The following IGSF22 variants were observed in gnomAD, a reference collection of about 807,000 sequenced individuals.
IGSF22 encodes the protein immunoglobulin superfamily member 22.
IGSF22 carries 119 observed loss-of-function variants against 127.0 expected under a neutral mutation model. The ratio of observed to expected loss-of-function variants is 0.94; its 90% confidence interval spans 0.81 to 1.09. The LOEUF is 1.09. Among genes scored for constraint, IGSF22 ranks in the 50% least tolerant of loss-of-function variants. IGSF22 has a pLI of 0.00. For synonymous variants in IGSF22, 568 were observed against 664.7 expected (o/e 0.85, Z 2.24); for missense variants, 1,518 against 1,716.6 (o/e 0.88, Z 2.04).
intron 1 of IGSF22, among the ~76,000 whole-genome samples, chr11:18,725,359 C>T (rs915774414): frequency 2.6e-5 from 4 of 152,216 alleles, no homozygotes; most frequent in African/African-American, 9.7e-5. Context: ...AACTCCTAGC[C>T]TCGATTGATC....
At position 18,716,615 on chromosome 11, in the gene IGSF22, A is replaced by G; in HGVS notation, c.1246+113T>C. The G allele has an allele frequency of 9.0e-7, 1 of 1,109,848 alleles. No individual in the cohort carries two copies. The highest frequency in any genetic ancestry group is 1.3e-6 in the Non-Finnish European group (1 of 754,752). The allele number at this position is 1,109,848 out of a possible 1,614,324, so 68.8% of individuals were successfully genotyped here. ...CCCCTGTCTTTCCAGTACCTACCAC[A>G]GGGCTTTGCAAAAAGGAGATGGATG... is the stretch of plus-strand genomic sequence containing the variant. On this transcript the variant is annotated intron_variant, in intron 10 of 22. Coordinates refer to ENST00000513874, the MANE Select transcript of IGSF22 (RefSeq NM_173588.4). The surrounding 1 kb of genome is among the most constrained non-coding windows in gnomAD (Gnocchi z 4.5).
intron 1 of IGSF22, among the ~76,000 whole-genome samples, chr11:18,725,607 A>AT (rs576122278): frequency 3.7e-4 from 56 of 151,850 alleles, no homozygotes; most frequent in Non-Finnish European, 5.4e-4. Context: ...CACCCGGCTA[A>AT]TTTTTTGTAT....
chr11:18,715,392 AGGGGG>A (rs1444182743), intron 11 of IGSF22, 35 bp downstream of exon 11: 20 of 1,575,594 alleles, frequency 1.3e-5, no homozygotes, highest in Non-Finnish European at 1.7e-5. Flanking sequence ...TGCCAGGGTC[AGGGGG>A]ATTGGTCAGT....
rs1339878985 is a variant in IGSF22, at chr11:18,704,482, T to A, written c.3967A>T (p.Lys1323Ter). ...SITESLQKKS[K>*]HLM ...TTGGCTGGAGCTCACATGAGGTGCTTTGATTTCTTCTGCAGACTCTCGGTG... is the reference window on the plus strand; with the variant it reads ...TTGGCTGGAGCTCACATGAGGTGCTATGATTTCTTCTGCAGACTCTCGGTG... Residue 1323 changes from lysine (K) to a stop codon, truncating the protein, a stop_gained, in exon 23 of 23, where the codon AAG (lysine) becomes TAG (stop). Transcript: ENST00000513874. LOFTEE classifies it high-confidence loss of function. 5.8e-6 allele frequency: 9 copies of A among 1,550,644 alleles called. No individual in the cohort carries two copies. The highest frequency in any genetic ancestry group is 7.0e-6 in the Non-Finnish European group (8 of 1,146,326).
At chr11:18,722,652 A>G (rs1320508874) in intron 2 of IGSF22, among the ~76,000 whole-genome samples, 1 of 150,072 alleles carries the variant, frequency 6.7e-6, no homozygotes, top group Non-Finnish European at 1.5e-5. Context: ...GTATAAAACT[A>G]CAGACAATCT....
At chr11:18,719,671 C>G (rs780137342) in intron 7 of IGSF22, 45 bp downstream of exon 7, 1 of 1,589,638 alleles carries the variant, frequency 6.3e-7, no homozygotes, top group Admixed American at 1.7e-5. Flanking sequence ...TTGGGTGAAG[C>G]CCTGCCCCTA....
At chr11:18,712,500 G>T in intron 14 of IGSF22, 116 bp from the exon 15 acceptor site, 1 of 911,594 alleles carries the variant, frequency 1.1e-6, no homozygotes, top group East Asian at 2.7e-5. Flanking sequence ...GAGCTTTTTG[G>T]ATCCTTTGCC....
In IGSF22 at chr11:18,724,264, G is replaced by A; in HGVS notation, c.-28C>T. ...TGACAGCAGGCGTGGGCACTCACCT[G>A]TGAGACTGGGGAAGAGGATGAGGCC... On this transcript the variant is annotated 5_prime_UTR_variant, in exon 2 of 23. Coordinates refer to ENST00000513874, the MANE Select transcript of IGSF22 (RefSeq NM_173588.4). 1 of 1,531,492 alleles carries A rather than the reference G, an allele frequency of 6.5e-7. No individual in the cohort carries two copies. Among genetic ancestry groups the A allele is most frequent in the East Asian group, 2.3e-5 (1 of 44,386 alleles). The allele number at this position is 1,531,492 out of a possible 1,614,324, so 94.9% of individuals were successfully genotyped here. A position where few individuals can be genotyped will look rare whatever the true frequency, so the allele number is the denominator to read the frequency against.
intron 1 of IGSF22, among the ~76,000 whole-genome samples, chr11:18,725,832 A>G (rs2134171969): frequency 6.6e-6 from 1 of 152,332 alleles, no homozygotes; most frequent in Non-Finnish European, 1.5e-5. Context: ...CTAGACTCCT[A>G]GCTTTTGACT....
chr11:18,707,446 T>G, intron 20 of IGSF22: 1 of 533,084 alleles, frequency 1.9e-6, no homozygotes, highest in East Asian at 3.0e-5. Flanking sequence ...GAGCTGACAA[T>G]GACTATTTCG....
chr11:18,713,701 C>G, intron 14 of IGSF22, 151 bp downstream of exon 14: 1 of 649,118 alleles, frequency 1.5e-6, no homozygotes. Flanking sequence ...AGTTAGGAAG[C>G]GGGCTTCTGG....
At chr11:18,708,021 A>G (rs1848278449) in intron 19 of IGSF22, 25 bp from the exon 20 acceptor site, 2 of 1,612,496 alleles carry the variant, frequency 1.2e-6, no homozygotes, top group African/African-American at 2.7e-5. Context: ...GAGATGGCAC[A>G]ACTGGTCACA....
At chr11:18,720,388 G>A in intron 4 of IGSF22, 103 bp from the exon 5 acceptor site, 1 of 756,660 alleles carries the variant, frequency 1.3e-6, no homozygotes, top group Non-Finnish European at 2.2e-6. Context: ...GGGACAATAG[G>A]AACTGACTGT....
intron 15 of IGSF22, among the ~76,000 whole-genome samples, chr11:18,711,595 A>G (rs1848357894): frequency 1.3e-5 from 2 of 152,046 alleles, no homozygotes; most frequent in Non-Finnish European, 2.9e-5. Flanking sequence ...ATAGGGTTTC[A>G]CCATGTTGGC....
intron 8 of IGSF22, among the ~76,000 whole-genome samples, chr11:18,718,300 T>C (rs1848499947): frequency 6.6e-6 from 1 of 152,142 alleles, no homozygotes; most frequent in South Asian, 2.1e-4. Flanking sequence ...AGGCCCGAGC[T>C]CTTAATATGC....
chr11:18,707,011 T>C lies in IGSF22; in HGVS notation c.3483A>G (p.Pro1161=), dbSNP rs1284894857. 1.3e-6 allele frequency: 2 copies of C among 1,551,500 alleles called. No individual in the cohort carries two copies. The highest frequency in any genetic ancestry group is 2.4e-5 in the East Asian group (1 of 40,914). Reference sequence around the variant, plus strand: ...CCACTCTGAAGTAGTACTTCCTGCCTGGGAGCAGCCCCGTCACTGTGTACT... The same window carrying C: ...CCACTCTGAAGTAGTACTTCCTGCCCGGGAGCAGCCCCGTCACTGTGTACT... The part of the protein sequence containing the change: ...SNKYTVTGLL[P]GRKYYFRVVA... The change falls in exon 21 of 23, where the codon CCA becomes CCG. Residue 1161 remains proline, a synonymous_variant. Coordinates refer to ENST00000513874, the MANE Select transcript of IGSF22 (RefSeq NM_173588.4).
intron 10 of IGSF22, among the ~76,000 whole-genome samples, chr11:18,715,990 C>A (rs1482704877): frequency 3.9e-5 from 6 of 152,176 alleles, no homozygotes; most frequent in Non-Finnish European, 8.8e-5. Flanking sequence ...TTTTACAGTG[C>A]TCAATATCTC....
chr11:18,716,593 C>T lies in IGSF22; in HGVS notation c.1246+135G>A, dbSNP rs1848467122. The T allele has an allele frequency of 1.2e-6, 1 of 847,146 alleles. No homozygotes were observed. Among genetic ancestry groups the T allele is most frequent in the African/African-American group, 1.7e-5 (1 of 59,196 alleles). The allele number at this position is 847,146 out of a possible 1,614,324, so 52.5% of individuals were successfully genotyped here. ...AGGGGTTAACAGAGAGGAGATCCCC[C>T]TGTCTTTCCAGTACCTACCACAGGG... is the stretch of plus-strand genomic sequence containing the variant. On this transcript the variant is annotated intron_variant, in intron 10 of 22. Coordinates refer to ENST00000513874, the MANE Select transcript of IGSF22 (RefSeq NM_173588.4). This position sits in a 1 kb window ranked among gnomAD's most constrained non-coding sequence, Gnocchi z 4.5.
At position 18,724,165 on chromosome 11, in the gene IGSF22, G is replaced by C; in HGVS notation, c.72C>G (p.His24Gln). The change falls in exon 2 of 23, where the codon CAC becomes CAG. Residue 24 changes from histidine to glutamine, a missense_variant. Physicochemically the swap from His to Gln is conservative, Grantham distance 24 (BLOSUM62 0). This residue lies in a region of IGSF22 where 1,456 missense variants were observed against 1,644.9 expected (regional missense o/e 0.89). Transcript: ENST00000513874. ...VSMEFSSSTTHVQTFSQTTKI... is the reference protein window; with the variant it reads ...VSMEFSSSTTQVQTFSQTTKI... ...TGGTTGTCTGGGAGAAGGTCTGCAC[G>C]TGGGTGGTGGAGCTGGAGAACTCCA... is the stretch of plus-strand genomic sequence containing the variant. The C allele has an allele frequency of 6.2e-7, 1 of 1,613,990 alleles. No individual in the cohort carries two copies. Among genetic ancestry groups the C allele is most frequent in the Non-Finnish European group, 8.5e-7 (1 of 1,179,876 alleles).
Sources: allele counts gnomAD v4.1 joint callset (sites outside exome capture counted in the v4.1 genomes callset), GRCh38; gene constraint gnomAD v4.1.1; regional missense constraint gnomAD v4.1.1; non-coding constraint Gnocchi (gnomAD v3.1); transcripts MANE v1.5; gene names NCBI Gene and HGNC (gene_info 2026-07-23, HGNC 2026-07-21).